The following SRFBP1 variants were observed in gnomAD, a reference collection of about 807,000 sequenced individuals.
SRFBP1 encodes the protein serum response factor-binding protein 1.
Under a neutral mutation model 45.5 loss-of-function variants are expected in SRFBP1, and 47 were observed. The ratio of observed to expected loss-of-function variants is 1.03; its 90% CI spans 0.82 to 1.32. The LOEUF is 1.32. Among genes scored for constraint, SRFBP1 ranks in the 40% most tolerant of loss-of-function variants. SRFBP1 has a pLI of 0.00. For missense variants in SRFBP1, 621 were observed against 484.6 expected (o/e 1.28, Z -2.64); for synonymous variants, 203 against 166.3 (o/e 1.22, Z -1.70).
At chr5:122,066,916 T>C (rs941984161) in intron 2 of SRFBP1, among the ~76,000 whole-genome samples, 1 of 152,142 alleles carries the variant, frequency 6.6e-6, no homozygotes, top group African/African-American at 2.4e-5. Flanking sequence ...ATTTTAATAA[T>C]GGTTTGAAGA....
intron 4 of SRFBP1, among the ~76,000 whole-genome samples, chr5:121,995,286 T>C (rs533020575): frequency 6.6e-6 from 1 of 151,992 alleles, no homozygotes; most frequent in Non-Finnish European, 1.5e-5. Context: ...TCAGCAAATG[T>C]AAAAGAACAG....
chr5:121,987,704 T>G (rs570328533), intron 3 of SRFBP1, among the ~76,000 whole-genome samples: 7 of 152,316 alleles, frequency 4.6e-5, no homozygotes, highest in African/African-American at 1.7e-4. Context: ...GATCACACTT[T>G]GGAAAATACA....
intron 1 of SRFBP1, among the ~76,000 whole-genome samples, chr5:121,964,696 A>T (rs986125760): frequency 3.9e-5 from 6 of 152,020 alleles, no homozygotes; most frequent in Non-Finnish European, 7.4e-5. Flanking sequence ...TATAATCCTT[A>T]GGTATATAGC....
chr5:121,976,547 G>A (rs930204302), intron 3 of SRFBP1, among the ~76,000 whole-genome samples: 1 of 151,704 alleles, frequency 6.6e-6, no homozygotes, highest in South Asian at 2.1e-4. Context: ...AAAATAGGAA[G>A]TTACAATTTA....
intron 1 of SRFBP1, among the ~76,000 whole-genome samples, chr5:121,972,206 A>C (rs189926625): frequency 1.6e-4 from 24 of 152,110 alleles, no homozygotes; most frequent in African/African-American, 5.8e-4. Flanking sequence ...GGGCTCTAAA[A>C]GACAGTTAAA....
intron 2 of SRFBP1, among the ~76,000 whole-genome samples, chr5:122,055,092 A>G (rs1255577785): frequency 6.6e-6 from 1 of 152,184 alleles, no homozygotes; most frequent in Non-Finnish European, 1.5e-5. Flanking sequence ...TGGCTTGTAA[A>G]TGACATACAT....
intron 2 of SRFBP1, among the ~76,000 whole-genome samples, chr5:122,035,334 G>C (rs1753675746): frequency 6.6e-6 from 1 of 152,080 alleles, no homozygotes; most frequent in African/African-American, 2.4e-5. Flanking sequence ...CCTAAGATTA[G>C]ATGCAAATTC....
rs1247601325 is a variant in SRFBP1, at chr5:122,027,829, AATTAT to A, written c.*707_*711del. On this transcript the variant is annotated 3_prime_UTR_variant, in exon 8 of 8. Coordinates refer to ENST00000339397, the MANE Select transcript of SRFBP1 (RefSeq NM_152546.3). The stretch of plus-strand genomic sequence containing the variant: ...TGTCTAGGACAATTTTGGGATTCTT[AATTAT>A]ATTTTAGTTAAGAAAATTGTTTAAA... The A allele has an allele frequency of 5.3e-5, 8 of 152,260 alleles. No individual in the cohort carries two copies. The highest frequency in any genetic ancestry group is 1.2e-4 in the Non-Finnish European group (8 of 67,998). 9.4% of individuals were successfully genotyped at this position (152,260 alleles called of 1,614,324 possible).
chr5:122,075,622 A>G, downstream of SRFBP1: 2 of 915,282 alleles, frequency 2.2e-6, no homozygotes, highest in South Asian at 4.4e-5. Context: ...CATCCATTAT[A>G]TAGTAGTGAC....
chr5:122,065,618 C>T, intron 2 of SRFBP1: 1 of 152,040 alleles, frequency 6.6e-6, no homozygotes, highest in East Asian at 1.9e-4. Context: ...CAGACACACA[C>T]ACATGTGTGA....
At chr5:122,024,311 G>C (rs1003240294) in intron 7 of SRFBP1, among the ~76,000 whole-genome samples, 1 of 152,112 alleles carries the variant, frequency 6.6e-6, no homozygotes, top group African/African-American at 2.4e-5. Context: ...TCAGTTATCT[G>C]TTTCCTTGCT....
intron 1 of SRFBP1, among the ~76,000 whole-genome samples, chr5:121,969,987 T>C (rs1193827200): frequency 6.6e-6 from 1 of 152,138 alleles, no homozygotes; most frequent in Non-Finnish European, 1.5e-5. Flanking sequence ...TGCTTTTGGT[T>C]AGAGTTTTGC....
At chr5:121,993,884 T>C (rs2112674169) in intron 3 of SRFBP1, among the ~76,000 whole-genome samples, 1 of 152,098 alleles carries the variant, frequency 6.6e-6, no homozygotes, top group African/African-American at 2.4e-5. Flanking sequence ...TTTTATTGAT[T>C]AGTTGATTTT....
chr5:122,061,658 A>G (rs369140533), intron 2 of SRFBP1, among the ~76,000 whole-genome samples: 13 of 152,182 alleles, frequency 8.5e-5, no homozygotes, highest in South Asian at 6.2e-4. Context: ...CTAGTGTTAT[A>G]AACAACTAAG....
intron 7 of SRFBP1, among the ~76,000 whole-genome samples, chr5:122,023,455 T>C (rs192490348): frequency 1.3e-5 from 2 of 152,282 alleles, no homozygotes; most frequent in Admixed American, 1.3e-4. Context: ...TACCATGATA[T>C]ACCATGTATC....
At position 122,020,598 on chromosome 5, in the gene SRFBP1, G is replaced by A; in HGVS notation, c.863G>A (p.Gly288Glu). 1 of 1,613,754 alleles carries A rather than the reference G, an allele frequency of 6.2e-7. No individual in the cohort carries two copies. The highest frequency in any genetic ancestry group is 2.2e-5 in the East Asian group (1 of 44,866). The part of the protein sequence containing the change: ...DSDSGDDFFI[G>E]KVRRTRKKES... ...GATAGCGGTGACGACTTCTTCATTG[G>A]GAAAGTCAGACGGACACGAAAGAAG... The change falls in exon 6 of 8, where the codon GGG becomes GAG. Residue 288 changes from glycine (G) to glutamate (E), a missense_variant. Physicochemically the swap from Gly to Glu is moderately conservative, Grantham distance 98 (BLOSUM62 -2). Coordinates refer to ENST00000339397, the MANE Select transcript of SRFBP1 (RefSeq NM_152546.3).
rs987221035 is a variant in SRFBP1, at chr5:122,042,568, A to G, written n.311+20161A>G. ...CACTTGGCACCTCTTGATTTTTAAA[A>G]TAACTTCTGCTAGTTTGAACTATTT... On this transcript the variant is annotated intron_variant and non_coding_transcript_variant, in intron 2 of 2. Coordinates refer to the SRFBP1 transcript ENST00000504881. Among the ~76,000 whole-genome samples, 10 of 152,188 alleles carry G rather than the reference A, an allele frequency of 6.6e-5. No individual in the cohort carries two copies. In the South Asian group the frequency reaches 8.3e-4, roughly 13 times the overall value.
chr5:122,028,749 A>G (rs538164011), downstream of SRFBP1: 1 of 152,314 alleles, frequency 6.6e-6, no homozygotes, highest in African/African-American at 2.4e-5. Flanking sequence ...CAGACTGACA[A>G]AAAAGTAAAA....
chr5:122,077,097 G>C (rs1403782504), downstream of SRFBP1: 1 of 1,531,038 alleles, frequency 6.5e-7, no homozygotes, highest in Non-Finnish European at 8.7e-7. This position sits in a 1 kb window ranked among gnomAD's most constrained non-coding sequence, Gnocchi z 4.9. Flanking sequence ...CTCACCCTTC[G>C]CCCACCGGGA....
Sources: gnomAD v4.1 joint callset for allele counts (sites outside exome capture counted in the v4.1 genomes callset) on GRCh38, gnomAD v4.1.1 for gene constraint, Gnocchi (gnomAD v3.1) non-coding constraint, MANE v1.5 for transcripts, NCBI Gene and HGNC (gene_info 2026-07-23, HGNC 2026-07-21) for gene names.